EHBP1: variants seen among roughly 807,000 people sequenced by gnomAD.
EHBP1 encodes the protein EH domain-binding protein 1.
In EHBP1, 55 loss-of-function variants were observed where a neutral mutation model predicts 144.0. The ratio of observed to expected loss-of-function variants is 0.38; its 90% CI spans 0.31 to 0.48. EHBP1 has a LOEUF of 0.48. EHBP1 is among the 20% of genes least tolerant of loss of function. The pLI, the probability that EHBP1 is intolerant of heterozygous loss-of-function variation, is 0.98. For missense variants in EHBP1, 1,200 were observed against 1,364.2 expected, an observed-to-expected ratio of 0.88 and a Z score of 1.90; for synonymous variants, 469 against 472.7, an observed-to-expected ratio of 0.99 and a Z score of 0.10.
intron 8 of EHBP1, 114 bp downstream of exon 8, chr2:62,859,405 T>C: frequency 3.9e-6 from 4 of 1,034,144 alleles, no homozygotes; most frequent in South Asian, 4.3e-5. Context: ...TTGTTTATAA[T>C]GATATTATTA....
At chr2:62,951,334 G>C (rs1048831684) in intron 13 of EHBP1, among the ~76,000 whole-genome samples, 2 of 152,154 alleles carry the variant, frequency 1.3e-5, no homozygotes, top group Admixed American at 6.5e-5. Context: ...AAATATAATA[G>C]CTGCCAAAGC....
At chr2:62,794,717 C>T (rs931698749) in intron 5 of EHBP1, among the ~76,000 whole-genome samples, 9 of 151,900 alleles carry the variant, frequency 5.9e-5, no homozygotes, top group African/African-American at 1.9e-4. Context: ...AACTTTTTAT[C>T]ATCTTACTGA....
At chr2:62,905,485 A>G (rs980282924) in intron 10 of EHBP1, among the ~76,000 whole-genome samples, 1 of 152,178 alleles carries the variant, frequency 6.6e-6, no homozygotes, top group Non-Finnish European at 1.5e-5. Context: ...CATCTATTAA[A>G]GAGTATTTTA....
At chr2:62,703,017 AT>A (rs749296640), upstream of EHBP1, among the ~76,000 whole-genome samples, 81 of 152,260 alleles carry the variant, frequency 5.3e-4, no homozygotes, top group Non-Finnish European at 1.0e-3. Context: ...TGTAACTTTT[AT>A]GTACTATTGG....
At chr2:62,956,040 A>G (rs570939938) in intron 14 of EHBP1, 1 of 154,890 alleles carries the variant, frequency 6.5e-6, no homozygotes, top group East Asian at 1.9e-4. Context: ...AATACCTACT[A>G]AGTATTTCAG....
chr2:62,694,829 A>G (rs749882441), intron 1 of EHBP1, among the ~76,000 whole-genome samples: 4 of 152,104 alleles, frequency 2.6e-5, no homozygotes, highest in Admixed American at 1.3e-4. Flanking sequence ...CAGGATACCT[A>G]TCTTTATAGC....
intron 5 of EHBP1, among the ~76,000 whole-genome samples, chr2:62,781,453 T>C (rs896332214): frequency 3.9e-5 from 6 of 152,194 alleles, no homozygotes; most frequent in Non-Finnish European, 5.9e-5. Context: ...AAAAATAATA[T>C]GTTTGATTAT....
rs956352066 is a variant in EHBP1 at position 62,953,331 on chromosome 2, TAAGAC to T, written c.2317-2182_2317-2178del. 2.4e-4 allele frequency among the ~76,000 whole-genome samples: 36 copies of T among 147,562 alleles called. No individual in the cohort carries two copies. The Admixed American group carries it at 2.5e-3, about 10-fold the overall frequency. On this transcript the variant is annotated intron_variant, in intron 13 of 22. Transcript: ENST00000431489. ...TGTGCAACCTAAATGTTCAGCAAAATAAGACAAGTTAACTAACGTATGATGCATCT... is the reference window on the plus strand; with the variant it reads ...TGTGCAACCTAAATGTTCAGCAAAATAAGTTAACTAACGTATGATGCATCT...
At chr2:62,684,666 AT>A (rs2033658591) in intron 1 of EHBP1, among the ~76,000 whole-genome samples, 1 of 152,176 alleles carries the variant, frequency 6.6e-6, no homozygotes, top group Non-Finnish European at 1.5e-5. Context: ...AAGCATTTGT[AT>A]TTTTTCATGC....
intron 3 of EHBP1, among the ~76,000 whole-genome samples, chr2:62,748,140 A>G (rs2152163905): frequency 6.6e-6 from 1 of 152,248 alleles, no homozygotes; most frequent in South Asian, 2.1e-4. Context: ...TTAAACAGGT[A>G]CCACTTACAA....
chr2:62,858,386 T>G, intron 7 of EHBP1: 1 of 1,547,956 alleles, frequency 6.5e-7, no homozygotes, highest in Non-Finnish European at 8.9e-7. Flanking sequence ...ATATTTGTCT[T>G]GACTGGCTTC....
chr2:62,832,840 A>G (rs575243727), intron 7 of EHBP1, among the ~76,000 whole-genome samples: 7 of 152,280 alleles, frequency 4.6e-5, no homozygotes, highest in African/African-American at 1.7e-4. Context: ...TGCAATGCCT[A>G]TGGGTGTTTA....
intron 19 of EHBP1, among the ~76,000 whole-genome samples, chr2:63,032,859 C>T (rs1454488456): frequency 6.6e-6 from 1 of 152,098 alleles, no homozygotes; most frequent in Non-Finnish European, 1.5e-5. Flanking sequence ...GGCAGTTTTT[C>T]TTTTGCTTCA....
At chr2:62,922,505 T>A (rs527891438) in intron 10 of EHBP1, among the ~76,000 whole-genome samples, 67 of 152,264 alleles carry the variant, frequency 4.4e-4, no homozygotes, top group Admixed American at 7.2e-4. Flanking sequence ...CAGAAAAGAA[T>A]AATCCACGTA....
intron 2 of EHBP1, among the ~76,000 whole-genome samples, chr2:62,738,900 T>C (rs538552207): frequency 4.6e-5 from 7 of 152,232 alleles, no homozygotes; most frequent in Non-Finnish European, 1.0e-4. Flanking sequence ...TTCTTTTTCT[T>C]CTTTTTAGCC....
At chr2:62,889,047 C>CTTTTTTTTTTTTTTTTTT (rs71410971) in intron 10 of EHBP1, among the ~76,000 whole-genome samples, 1 of 39,678 alleles carries the variant, frequency 2.5e-5, no homozygotes, top group African/African-American at 1.0e-4. Flanking sequence ...GTAGGTACCT[C>CTTTTTTTTTTTTTTTTTT]TTTTTTTTTT....
At chr2:62,897,070 C>T (rs1471517205) in intron 10 of EHBP1, among the ~76,000 whole-genome samples, 1 of 152,162 alleles carries the variant, frequency 6.6e-6, no homozygotes, top group Non-Finnish European at 1.5e-5. Flanking sequence ...CTACATTTCA[C>T]CCCTTTCCAC....
At chr2:62,769,039 C>G (rs1238970031) in intron 4 of EHBP1, among the ~76,000 whole-genome samples, 1 of 152,116 alleles carries the variant, frequency 6.6e-6, no homozygotes, top group Non-Finnish European at 1.5e-5. Flanking sequence ...GATGACAAAC[C>G]ACAGCCAACA....
In EHBP1 at chr2:62,681,340, G is replaced by GTATATATATATA. The variant is rs768323831; in HGVS notation, c.-296+7266_-296+7277dup. Reference sequence around the variant, plus strand: ...TATATATTTGTATGTATGTGTGTGTGTATATATATATATATATATAATGTG... The same window carrying GTATATATATATA: ...TATATATTTGTATGTATGTGTGTGTGTATATATATATATATATATATATATATATATAATGTG... On this transcript the variant is annotated intron_variant, in intron 1 of 22. Transcript: ENST00000405015. Among the ~76,000 whole-genome samples the GTATATATATATA allele has an allele frequency of 6.2e-3, 360 of 58,536 alleles. 32 individuals carry two copies. Among genetic ancestry groups the GTATATATATATA allele is most frequent in the Admixed American group, 0.011 (49 of 4,580 alleles). 38.4% of individuals were successfully genotyped at this position (58,536 alleles called of 152,430 possible).
Sources: allele counts gnomAD v4.1 joint callset (sites outside exome capture counted in the v4.1 genomes callset), GRCh38; gene constraint gnomAD v4.1.1; transcripts MANE v1.5; gene names NCBI Gene and HGNC (gene_info 2026-07-23, HGNC 2026-07-21).